The following ADAM12 variants were observed in gnomAD, a reference collection of about 807,000 sequenced individuals.
ADAM12 encodes the protein ADAM metallopeptidase domain 12.
ADAM12 carries 70 observed loss-of-function variants against 106.4 expected under a neutral mutation model. The observed-to-expected ratio is 0.66, with a 90% CI of 0.54 to 0.80. The LOEUF is 0.80. Ranked by LOEUF, ADAM12 falls within the 30% of genes least tolerant of loss-of-function variation. The probability of loss-of-function intolerance (pLI) is 0.00; values close to 1 mark genes in which losing one functional copy is unlikely to be tolerated. For synonymous variants in ADAM12, 420 were observed against 433.5 expected, an observed-to-expected ratio of 0.97 and a Z score of 0.39; for missense variants, 1,010 against 1,171.9, an observed-to-expected ratio of 0.86 and a Z score of 2.02.
chr10:126,295,896 GACACACACACACAAACACAC>G (rs1345567980), intron 2 of ADAM12, among the ~76,000 whole-genome samples: 1 of 113,460 alleles, frequency 8.8e-6, no homozygotes, highest in African/African-American at 3.1e-5. Context: ...TCGAACAACA[GACACACACACACAAACACAC>G]ACACACACAC....
At chr10:126,330,531 C>T (rs1854475116) in intron 1 of ADAM12, 22 bp from the exon 2 acceptor site, 1 of 1,598,496 alleles carries the variant, frequency 6.3e-7, no homozygotes. Context: ...GGAAAACAGC[C>T]CTATATTTCA....
intron 18 of ADAM12, chr10:126,042,172 G>C: frequency 5.6e-6 from 9 of 1,613,798 alleles, no homozygotes; most frequent in Non-Finnish European, 7.6e-6. Context: ...ATGCTCCTGC[G>C]ATCCCACGGG....
At chr10:126,365,065 TATGACCCTGTTGGG>T in intron 1 of ADAM12, among the ~76,000 whole-genome samples, 1 of 152,320 alleles carries the variant, frequency 6.6e-6, no homozygotes, top group East Asian at 1.9e-4. Context: ...TGTTAAGGGA[TATGACCCTGTTGGG>T]CAAGATACTA....
At chr10:126,272,433 T>A (rs960925368) in intron 3 of ADAM12, among the ~76,000 whole-genome samples, 4 of 152,200 alleles carry the variant, frequency 2.6e-5, no homozygotes, top group African/African-American at 9.7e-5. Context: ...ATGACTTTTA[T>A]AACTTTTGAT....
intron 8 of ADAM12, among the ~76,000 whole-genome samples, chr10:126,106,443 C>T (rs1955769482): frequency 6.6e-6 from 1 of 151,952 alleles, no homozygotes; most frequent in Admixed American, 6.6e-5. Context: ...CTTCCCCTGC[C>T]CTGGGTCAGG....
chr10:126,090,630 C>A (rs1257343461), intron 11 of ADAM12: 1 of 152,182 alleles, frequency 6.6e-6, no homozygotes, highest in African/African-American at 2.4e-5. Context: ...CACACTCTTA[C>A]ACACACTTAA....
At chr10:126,325,019 G>T (rs1854244688) in intron 2 of ADAM12, among the ~76,000 whole-genome samples, 1 of 152,170 alleles carries the variant, frequency 6.6e-6, no homozygotes, top group Non-Finnish European at 1.5e-5. Flanking sequence ...TGAGGTCACA[G>T]TTGAGAGGGA....
At chr10:126,026,966 C>T (rs1036375329) in intron 21 of ADAM12, among the ~76,000 whole-genome samples, 1 of 151,588 alleles carries the variant, frequency 6.6e-6, no homozygotes, top group East Asian at 1.9e-4. Context: ...TTCAACAAAT[C>T]AGTGAATCCA....
At chr10:126,235,478 G>C (rs1958396186) in intron 3 of ADAM12, among the ~76,000 whole-genome samples, 1 of 152,212 alleles carries the variant, frequency 6.6e-6, no homozygotes, top group South Asian at 2.1e-4. Context: ...CTGGGTGTGA[G>C]TCCTGGCTCT....
At chr10:126,175,128 C>T (rs1349984730) in intron 3 of ADAM12, among the ~76,000 whole-genome samples, 6 of 152,264 alleles carry the variant, frequency 3.9e-5, no homozygotes, top group African/African-American at 4.8e-5. Flanking sequence ...CAGAATCCTG[C>T]GAGAAGAGCC....
chr10:126,108,762 A>G (rs928936241), intron 7 of ADAM12, 98 bp from the exon 8 acceptor site: 3 of 1,055,728 alleles, frequency 2.8e-6, no homozygotes, highest in African/African-American at 3.1e-5. Flanking sequence ...GATTTTACAA[A>G]CCACTGGGGA....
chr10:126,043,437 A>T lies in ADAM12; in HGVS notation c.1996-289T>A, dbSNP rs544262768. Among the ~76,000 whole-genome samples, 3 of 152,074 alleles carry T rather than the reference A, an allele frequency of 2.0e-5. No homozygotes were observed. Among genetic ancestry groups the T allele is most frequent in the Admixed American group, 6.5e-5 (1 of 15,284 alleles). On this transcript the variant is annotated intron_variant, in intron 17 of 22. Coordinates refer to ENST00000448723, the MANE Select transcript of ADAM12 (RefSeq NM_001288973.2). This position sits in a 1 kb window ranked among gnomAD's most constrained non-coding sequence, Gnocchi z 4.1. ...CCCCACCCACCTCACTTCCTTCTCC[A>T]TCTCCCCATCTTCCTTTTTCAATCT...
In ADAM12 at chr10:126,388,049, G is replaced by A; in HGVS notation, c.88+9C>T. The A allele has an allele frequency of 8.2e-7, 1 of 1,216,466 alleles. No homozygotes were observed. 75.4% of individuals were successfully genotyped at this position (1,216,466 alleles called of 1,614,324 possible). A position where few individuals can be genotyped will look rare whatever the true frequency, so the allele number is the denominator to read the frequency against. ...GCGGGCAGCGAGCCGCCCTAGTTCG[G>A]CGACTTACCTCGGGCCTCGCAGGGC... On this transcript the variant is annotated intron_variant, in intron 1 of 22. Coordinates refer to ENST00000448723, the MANE Select transcript of ADAM12 (RefSeq NM_001288973.2). The surrounding 1 kb of genome is among the most constrained non-coding windows in gnomAD (Gnocchi z 4.4).
intron 1 of ADAM12, among the ~76,000 whole-genome samples, chr10:126,359,888 C>T (rs1374071372): frequency 1.3e-5 from 2 of 152,230 alleles, no homozygotes; most frequent in East Asian, 3.9e-4. Context: ...ATGAAGGACT[C>T]ACCCCTGCAG....
At chr10:126,125,252 T>TG (rs1483257526) in intron 5 of ADAM12, among the ~76,000 whole-genome samples, 1 of 148,818 alleles carries the variant, frequency 6.7e-6, no homozygotes, top group Non-Finnish European at 1.5e-5. Flanking sequence ...TTCTTTTCTT[T>TG]TTTTTTTTTT....
intron 2 of ADAM12, 101 bp from the exon 3 acceptor site, chr10:126,279,089 T>C (rs1321805530): frequency 3.5e-6 from 3 of 868,240 alleles, no homozygotes; most frequent in African/African-American, 3.3e-5. Flanking sequence ...GAATAAACGA[T>C]GCGGTCAACC....
chr10:126,121,370 T>C (rs1956106196), intron 5 of ADAM12, among the ~76,000 whole-genome samples: 1 of 126,512 alleles, frequency 7.9e-6, no homozygotes, highest in African/African-American at 3.0e-5. Flanking sequence ...ATATTACATA[T>C]GCAATTATAT....
At chr10:126,061,182 G>A (rs910885975) in intron 14 of ADAM12, among the ~76,000 whole-genome samples, 6 of 152,152 alleles carry the variant, frequency 3.9e-5, no homozygotes, top group Non-Finnish European at 8.8e-5. Context: ...AGACCCCAAG[G>A]ATTTGAGTAC....
chr10:126,074,499 T>C (rs968368359), intron 11 of ADAM12, among the ~76,000 whole-genome samples: 1 of 152,158 alleles, frequency 6.6e-6, no homozygotes, highest in African/African-American at 2.4e-5. Context: ...TCAGAATGTG[T>C]AGGAGAGGAG....
Sources: gnomAD v4.1 joint callset for allele counts (sites outside exome capture counted in the v4.1 genomes callset) on GRCh38, gnomAD v4.1.1 for gene constraint, Gnocchi (gnomAD v3.1) non-coding constraint, MANE v1.5 for transcripts, NCBI Gene and HGNC (gene_info 2026-07-23, HGNC 2026-07-21) for gene names.